The following RIMS1 variants were observed in gnomAD, a reference collection of about 807,000 sequenced individuals.
The protein encoded by RIMS1 is regulating synaptic membrane exocytosis 1.
A neutral mutation model predicts 214.1 loss-of-function variants in RIMS1; 83 were observed. The ratio of observed to expected loss-of-function variants is 0.39; its 90% CI spans 0.32 to 0.47. RIMS1 has a LOEUF of 0.47. Ranked by LOEUF, RIMS1 falls within the 20% of genes least tolerant of loss-of-function variation. The pLI is 0.99. For missense variants in RIMS1, 2,050 were observed against 2,161.8 expected, an observed-to-expected ratio of 0.95 and a Z score of 1.03; for synonymous variants, 793 against 786.8, an observed-to-expected ratio of 1.01 and a Z score of -0.13.
intron 10 of RIMS1, among the ~76,000 whole-genome samples, chr6:72,245,309 A>G (rs1590303293): frequency 6.6e-6 from 1 of 151,808 alleles, no homozygotes; most frequent in African/African-American, 2.4e-5. Context: ...GCAAGCTTGA[A>G]CCATTTTTAC....
chr6:72,367,971 G>A lies in RIMS1; in HGVS notation c.4367-22627G>A, dbSNP rs77657122. 4.4e-3 allele frequency among the ~76,000 whole-genome samples: 675 copies of A among 152,164 alleles called. 2 individuals carry two copies. The highest frequency in any genetic ancestry group is 7.3e-3 in the South Asian group (35 of 4,826). On this transcript the variant is annotated intron_variant, in intron 29 of 33. Transcript: ENST00000521978. ...CAATTTTATTTAATAATTACCTTCA[G>A]AAGCAGGGCTTATCCGTGGAATAAA...
At chr6:72,026,804 A>G (rs1013294120) in intron 2 of RIMS1, among the ~76,000 whole-genome samples, 9 of 152,152 alleles carry the variant, frequency 5.9e-5, no homozygotes, top group Non-Finnish European at 7.4e-5. Context: ...ACCATTTTAT[A>G]AGTTCATTTC....
intron 1 of RIMS1, among the ~76,000 whole-genome samples, chr6:71,933,232 T>C: frequency 6.6e-6 from 1 of 152,182 alleles, no homozygotes; most frequent in East Asian, 1.9e-4. Context: ...TGAAACCTCC[T>C]CTGACTCCAC....
chr6:72,089,139 G>A (rs975901991), intron 2 of RIMS1, among the ~76,000 whole-genome samples: 1 of 152,110 alleles, frequency 6.6e-6, no homozygotes, highest in Non-Finnish European at 1.5e-5. Context: ...ATCATTTTAG[G>A]AAGTCTTACG....
intron 2 of RIMS1, among the ~76,000 whole-genome samples, chr6:71,973,359 A>C (rs953076531): frequency 6.6e-6 from 1 of 152,264 alleles, no homozygotes; most frequent in Non-Finnish European, 1.5e-5. Flanking sequence ...ATCTGTATGC[A>C]TTGTATTTTT....
rs542575261 is a variant in RIMS1, at chr6:72,060,286, G to T, written c.246-36663G>T. Reference sequence around the variant, plus strand: ...GCCCAGCCTGAAGCTGCTTTTTACAGAATCTTCCTGACCTTGATAAGCACT... The same window carrying T: ...GCCCAGCCTGAAGCTGCTTTTTACATAATCTTCCTGACCTTGATAAGCACT... On this transcript the variant is annotated intron_variant, in intron 2 of 33. Coordinates refer to ENST00000521978, the MANE Select transcript of RIMS1 (RefSeq NM_014989.7). Among the ~76,000 whole-genome samples the T allele has an allele frequency of 1.9e-4, 29 of 152,134 alleles. No individual in the cohort carries two copies. The South Asian group carries it at 5.6e-3, about 29-fold the overall frequency.
intron 2 of RIMS1, among the ~76,000 whole-genome samples, chr6:72,048,269 A>G (rs529824203): frequency 6.6e-6 from 1 of 152,186 alleles, no homozygotes; most frequent in Non-Finnish European, 1.5e-5. Flanking sequence ...AGGATTTCCC[A>G]CTAAAACATT....
At chr6:72,025,749 A>G (rs2151969741) in intron 2 of RIMS1, among the ~76,000 whole-genome samples, 1 of 152,354 alleles carries the variant, frequency 6.6e-6, no homozygotes, top group East Asian at 1.9e-4. Context: ...TCTATAGGTC[A>G]GGAATTTGAG....
chr6:72,253,406 T>G (rs1421613954), intron 16 of RIMS1, among the ~76,000 whole-genome samples: 2 of 152,314 alleles, frequency 1.3e-5, no homozygotes, highest in South Asian at 2.1e-4. Context: ...CTCTTTGTCA[T>G]TGTGTAAGTT....
chr6:71,988,915 C>A (rs1226054030), intron 2 of RIMS1, among the ~76,000 whole-genome samples: 1 of 152,076 alleles, frequency 6.6e-6, no homozygotes, highest in Non-Finnish European at 1.5e-5. Context: ...TATATACATG[C>A]CTAAGTGGGA....
At chr6:72,229,356 A>G (rs1285510040) in intron 6 of RIMS1, among the ~76,000 whole-genome samples, 1 of 151,900 alleles carries the variant, frequency 6.6e-6, no homozygotes, top group Non-Finnish European at 1.5e-5. Flanking sequence ...GTGAAAGATA[A>G]TTTATGTAAA....
At chr6:72,138,088 G>A (rs904507393) in intron 4 of RIMS1, among the ~76,000 whole-genome samples, 2 of 152,154 alleles carry the variant, frequency 1.3e-5, no homozygotes, top group South Asian at 4.2e-4. Flanking sequence ...GTGTGTGTGT[G>A]TGTATGTATA....
chr6:71,929,401 G>T (rs1384139916), intron 1 of RIMS1, among the ~76,000 whole-genome samples: 1 of 152,106 alleles, frequency 6.6e-6, no homozygotes, highest in East Asian at 1.9e-4. Context: ...GCCACATTTA[G>T]AACAAAGTAC....
chr6:72,244,661 A>G (rs1369911901), intron 10 of RIMS1, among the ~76,000 whole-genome samples: 1 of 151,820 alleles, frequency 6.6e-6, no homozygotes, highest in African/African-American at 2.4e-5. Context: ...AAATGATTTT[A>G]TATAAATGTA....
At chr6:72,306,419 G>A (rs919166557) in intron 26 of RIMS1, among the ~76,000 whole-genome samples, 1 of 151,952 alleles carries the variant, frequency 6.6e-6, no homozygotes, top group Non-Finnish European at 1.5e-5. Context: ...TACCTTAGCT[G>A]TTTCTTTCTC....
At chr6:72,334,402 G>C (rs78534437) in intron 29 of RIMS1, among the ~76,000 whole-genome samples, 2 of 151,770 alleles carry the variant, frequency 1.3e-5, no homozygotes, top group Non-Finnish European at 2.9e-5. Context: ...ATGTGTTTCA[G>C]ATATTTTCTG....
intron 3 of RIMS1, among the ~76,000 whole-genome samples, chr6:72,098,743 A>AT (rs2032694035): frequency 6.6e-6 from 1 of 152,230 alleles, no homozygotes; most frequent in Non-Finnish European, 1.5e-5. Context: ...AAAAATAACT[A>AT]AAATCTAGGT....
intron 1 of RIMS1, among the ~76,000 whole-genome samples, chr6:71,931,199 G>A (rs1019134110): frequency 6.6e-6 from 1 of 151,890 alleles, no homozygotes; most frequent in Non-Finnish European, 1.5e-5. Context: ...AAGACCTCAG[G>A]AGAAATACTT....
chr6:72,353,390 G>A (rs747808971), intron 29 of RIMS1, among the ~76,000 whole-genome samples: 4 of 152,066 alleles, frequency 2.6e-5, no homozygotes, highest in Non-Finnish European at 4.4e-5. Flanking sequence ...CTTTATCCGA[G>A]TTTCAAAGCC....
Sources: allele counts gnomAD v4.1 joint callset (sites outside exome capture counted in the v4.1 genomes callset), GRCh38; gene constraint gnomAD v4.1.1; transcripts MANE v1.5; gene names NCBI Gene and HGNC (gene_info 2026-07-23, HGNC 2026-07-21).